Variants in CDK14 observed in about 807,000 individuals in gnomAD.
CDK14 encodes the protein cyclin dependent kinase 14.
A neutral mutation model predicts 60.7 loss-of-function variants in CDK14; 34 were observed. The observed-to-expected ratio is 0.56, with a 90% CI of 0.43 to 0.75. The LOEUF is 0.75. CDK14 is among the 30% of genes least tolerant of loss of function. The pLI, the probability that CDK14 is intolerant of heterozygous loss-of-function variation, is 0.00. For missense variants in CDK14, 482 were observed against 564.1 expected (o/e 0.85, Z 1.47); for synonymous variants, 197 against 203.7 (o/e 0.97, Z 0.28).
intron 5 of CDK14, among the ~76,000 whole-genome samples, chr7:90,800,898 T>C (rs1788608929): frequency 1.3e-5 from 2 of 152,200 alleles, no homozygotes; most frequent in African/African-American, 4.8e-5. Context: ...TTGGTGTTCT[T>C]TGGCTTATCG....
intron 2 of CDK14, among the ~76,000 whole-genome samples, chr7:90,724,284 T>C (rs1802553540): frequency 6.6e-6 from 1 of 152,114 alleles, no homozygotes; most frequent in South Asian, 2.1e-4. Flanking sequence ...TTCCTGATAG[T>C]AATATTGGCG....
intron 14 of CDK14, among the ~76,000 whole-genome samples, chr7:91,159,439 A>G (rs1261147913): frequency 1.3e-5 from 2 of 152,216 alleles, no homozygotes; most frequent in Non-Finnish European, 2.9e-5. Context: ...TGTAGATATG[A>G]ATAACTTAGC....
chr7:90,601,708 T>C (rs1427739033), intron 1 of CDK14, among the ~76,000 whole-genome samples: 2 of 152,200 alleles, frequency 1.3e-5, no homozygotes, highest in African/African-American at 4.8e-5. Context: ...ATTTCTCAAC[T>C]TGAGGGTCTT....
At chr7:91,205,044 A>G (rs1802846593) in intron 14 of CDK14, among the ~76,000 whole-genome samples, 1 of 152,144 alleles carries the variant, frequency 6.6e-6, no homozygotes, top group Non-Finnish European at 1.5e-5. Flanking sequence ...TTTTTAAACA[A>G]ACAAATGTTT....
chr7:91,095,796 A>G (rs1798965838), intron 12 of CDK14, among the ~76,000 whole-genome samples: 1 of 152,128 alleles, frequency 6.6e-6, no homozygotes, highest in Non-Finnish European at 1.5e-5. Context: ...AATGTAATAT[A>G]CAAGATGAAA....
At position 90,792,770 on chromosome 7, in the gene CDK14, A is replaced by G. The variant is rs151039266; in HGVS notation, c.544+2118A>G. 1.2e-3 allele frequency among the ~76,000 whole-genome samples: 182 copies of G among 152,312 alleles called. 1 individual carries two copies. Among genetic ancestry groups the G allele is most frequent in the African/African-American group, 4.2e-3 (175 of 41,578 alleles). On this transcript the variant is annotated intron_variant, in intron 5 of 14. Transcript: ENST00000380050. ...ATCCCTTCTCTACTCTGTTAGCCGTATAATATTTTTGAAAACTAAAATCAT... is the reference window on the plus strand; with the variant it reads ...ATCCCTTCTCTACTCTGTTAGCCGTGTAATATTTTTGAAAACTAAAATCAT...
chr7:90,880,823 A>T (rs1791725047), intron 6 of CDK14, among the ~76,000 whole-genome samples: 1 of 152,116 alleles, frequency 6.6e-6, no homozygotes, highest in South Asian at 2.1e-4. Flanking sequence ...ACTCTAGCAA[A>T]CTGTGGCAGC....
At chr7:90,707,178 A>G (rs1036417580) in intron 2 of CDK14, among the ~76,000 whole-genome samples, 1 of 152,104 alleles carries the variant, frequency 6.6e-6, no homozygotes, top group Non-Finnish European at 1.5e-5. Context: ...AATGTGTAAA[A>G]AATTGAGTTT....
At chr7:90,596,885 TAAAGG>T (rs1346086733) in intron 1 of CDK14, among the ~76,000 whole-genome samples, 167 bp downstream of exon 1, 6 of 152,048 alleles carry the variant, frequency 3.9e-5, no homozygotes, top group African/African-American at 1.4e-4. Context: ...GGCAAGGACG[TAAAGG>T]AAAGAGACCC....
intron 6 of CDK14, among the ~76,000 whole-genome samples, chr7:90,890,121 C>T (rs1302754851): frequency 6.6e-6 from 1 of 152,194 alleles, no homozygotes; most frequent in Non-Finnish European, 1.5e-5. Flanking sequence ...GCCTGTCATC[C>T]TAGTGCTTTG....
At chr7:90,883,537 G>A (rs1410503005) in intron 6 of CDK14, among the ~76,000 whole-genome samples, 1 of 152,128 alleles carries the variant, frequency 6.6e-6, no homozygotes, top group African/African-American at 2.4e-5. Flanking sequence ...CATTCCTTTT[G>A]AAACTATTCC....
chr7:90,682,916 T>C (rs546220272), intron 2 of CDK14, among the ~76,000 whole-genome samples: 3 of 152,336 alleles, frequency 2.0e-5, no homozygotes, highest in Non-Finnish European at 4.4e-5. Context: ...GTAACTGATA[T>C]TGTGCCCTCA....
intron 2 of CDK14, among the ~76,000 whole-genome samples, chr7:90,720,352 A>G (rs1444902557): frequency 1.6e-4 from 25 of 152,148 alleles, no homozygotes; most frequent in Admixed American, 1.6e-3. Context: ...TGAGGGCGGT[A>G]AGAAAGCATG....
chr7:90,830,061 A>G (rs1789865544), intron 5 of CDK14, among the ~76,000 whole-genome samples: 1 of 152,172 alleles, frequency 6.6e-6, no homozygotes, highest in Non-Finnish European at 1.5e-5. Context: ...TCTGGAGAAC[A>G]GCGGCCTTCT....
At chr7:90,899,706 C>T (rs1792441768) in intron 7 of CDK14, among the ~76,000 whole-genome samples, 1 of 152,070 alleles carries the variant, frequency 6.6e-6, no homozygotes, top group Admixed American at 6.6e-5. Context: ...TTGGTTTCAA[C>T]ATAAAGCATC....
At chr7:90,966,111 T>C (rs1046117132) in intron 9 of CDK14, among the ~76,000 whole-genome samples, 2 of 152,222 alleles carry the variant, frequency 1.3e-5, no homozygotes, top group African/African-American at 4.8e-5. Flanking sequence ...TTCCATCCTC[T>C]CTGTCGTCAC....
chr7:91,153,254 G>C (rs1800874687), intron 14 of CDK14, among the ~76,000 whole-genome samples: 1 of 152,214 alleles, frequency 6.6e-6, no homozygotes, highest in African/African-American at 2.4e-5. Flanking sequence ...TGCTGGTGAG[G>C]TTATGGAAAA....
At chr7:90,662,133 C>G (rs1478803224) in intron 2 of CDK14, among the ~76,000 whole-genome samples, 1 of 152,228 alleles carries the variant, frequency 6.6e-6, no homozygotes, top group African/African-American at 2.4e-5. Context: ...GGAACACTTT[C>G]ACATGTTTGG....
chr7:91,112,289 C>T (rs919646094), intron 12 of CDK14, among the ~76,000 whole-genome samples: 16 of 151,984 alleles, frequency 1.1e-4, no homozygotes, highest in African/African-American at 3.1e-4. Context: ...TTTATCTTTT[C>T]GGAAAGTATC....
Sources: gnomAD v4.1 joint callset for allele counts (sites outside exome capture counted in the v4.1 genomes callset) on GRCh38, gnomAD v4.1.1 for gene constraint, MANE v1.5 for transcripts, NCBI Gene and HGNC (gene_info 2026-07-23, HGNC 2026-07-21) for gene names.